The following IL1RAPL2 variants were observed in gnomAD, a reference collection of about 807,000 sequenced individuals.
IL1RAPL2 encodes interleukin 1 receptor accessory protein like 2, also known as X-linked interleukin-1 receptor accessory protein-like 2.
IL1RAPL2 carries 3 observed loss-of-function variants against 44.1 expected under a neutral mutation model. The observed-to-expected ratio is 0.07, with a 90% CI of 0.03 to 0.18. IL1RAPL2 has a LOEUF of 0.18. IL1RAPL2 is among the 10% of genes least tolerant of loss of function. The pLI, the probability that IL1RAPL2 is intolerant of heterozygous loss-of-function variation, is 1.00. For synonymous variants in IL1RAPL2, 181 were observed against 178.8 expected, an observed-to-expected ratio of 1.01 and a Z score of -0.10; for missense variants, 391 against 496.4, an observed-to-expected ratio of 0.79 and a Z score of 2.02.
intron 2 of IL1RAPL2, among the ~76,000 whole-genome samples, chrX:105,135,407 A>AGGAGAAT (rs1451358362): frequency 8.9e-6 from 1 of 112,251 alleles, no homozygotes; most frequent in East Asian, 2.8e-4. Context: ...TTAAAATAAA[A>AGGAGAAT]GGAGAATGTC....
intron 2 of IL1RAPL2, among the ~76,000 whole-genome samples, chrX:104,763,583 C>A (rs1422071181): frequency 9.0e-6 from 1 of 111,589 alleles, no homozygotes; most frequent in East Asian, 2.8e-4. Flanking sequence ...AGACATGTCC[C>A]AGATTGGGTA....
At chrX:104,651,340 T>C (rs1403469455) in intron 1 of IL1RAPL2, among the ~76,000 whole-genome samples, 1 of 111,838 alleles carries the variant, frequency 8.9e-6, no homozygotes. Flanking sequence ...GTAGAAATAT[T>C]TCTGCATCAG....
At chrX:105,564,652 G>A (rs951392384) in intron 6 of IL1RAPL2, among the ~76,000 whole-genome samples, 1 of 111,679 alleles carries the variant, frequency 9.0e-6, no homozygotes, top group African/African-American at 3.3e-5. Flanking sequence ...ATAATAGTCT[G>A]ATGAGAAGTG....
At chrX:105,343,191 C>T (rs191726670) in intron 5 of IL1RAPL2, among the ~76,000 whole-genome samples, 24 of 111,930 alleles carry the variant, frequency 2.1e-4, no homozygotes, top group African/African-American at 7.5e-4. Context: ...GACTCTCCAT[C>T]AAGCAAGGCA....
intron 5 of IL1RAPL2, among the ~76,000 whole-genome samples, chrX:105,477,599 C>G (rs984645589): frequency 7.1e-5 from 8 of 112,076 alleles, no homozygotes; most frequent in South Asian, 3.7e-4. Flanking sequence ...TGGCAAATCT[C>G]CATTCATGAT....
At chrX:105,685,557 A>C (rs1295919727) in intron 6 of IL1RAPL2, among the ~76,000 whole-genome samples, 1 of 112,135 alleles carries the variant, frequency 8.9e-6, no homozygotes, top group African/African-American at 3.2e-5. Context: ...CTATGTGAAG[A>C]GACCAAATCT....
intron 2 of IL1RAPL2, among the ~76,000 whole-genome samples, chrX:104,972,548 C>G (rs1456632611): frequency 9.0e-6 from 1 of 111,669 alleles, no homozygotes; most frequent in Non-Finnish European, 1.9e-5. Context: ...AGATGGAACT[C>G]TCTATCTTGG....
At chrX:104,877,749 AT>A (rs902456573) in intron 2 of IL1RAPL2, among the ~76,000 whole-genome samples, 9 of 108,639 alleles carry the variant, frequency 8.3e-5, no homozygotes, top group African/African-American at 2.3e-4. Context: ...CATACAGGGC[AT>A]TTTTTTTTTC....
intron 5 of IL1RAPL2, among the ~76,000 whole-genome samples, chrX:105,318,674 GGCAGGGTAA>G (rs755268272): frequency 9.0e-6 from 1 of 110,903 alleles, no homozygotes; most frequent in East Asian, 2.9e-4. Flanking sequence ...AGCCTGGTGT[GGCAGGGTAA>G]GCTATGTAGA....
intron 5 of IL1RAPL2, among the ~76,000 whole-genome samples, chrX:105,285,039 C>G (rs750227149): frequency 8.9e-6 from 1 of 112,107 alleles, no homozygotes; most frequent in East Asian, 2.8e-4. Flanking sequence ...GTACCTGTTT[C>G]CAAGCTGAAT....
At chrX:104,734,970 C>T (rs935238003) in intron 2 of IL1RAPL2, among the ~76,000 whole-genome samples, 4 of 110,887 alleles carry the variant, frequency 3.6e-5, no homozygotes, top group African/African-American at 1.3e-4. Flanking sequence ...ATATGCTTAT[C>T]CTAAATATGA....
At chrX:105,296,515 A>G (rs981467026) in intron 5 of IL1RAPL2, among the ~76,000 whole-genome samples, 1 of 112,669 alleles carries the variant, frequency 8.9e-6, no homozygotes, top group Non-Finnish European at 1.9e-5. Context: ...CAAAAGGTAG[A>G]TGGTCACTAT....
intron 2 of IL1RAPL2, among the ~76,000 whole-genome samples, chrX:105,171,530 C>T (rs1489191095): frequency 3.6e-5 from 4 of 110,883 alleles, no homozygotes; most frequent in Admixed American, 2.9e-4. Context: ...TTCTGAAGGG[C>T]AGTCTTTTCC....
At chrX:105,733,503 T>C (rs765206109) in intron 7 of IL1RAPL2, among the ~76,000 whole-genome samples, 18 of 111,601 alleles carry the variant, frequency 1.6e-4, no homozygotes, top group Admixed American at 8.6e-4. Context: ...TGCATATTAC[T>C]TCTTTCGTAA....
rs184473509 is a variant in IL1RAPL2, at chrX:105,040,241, A to T, written c.83-155234A>T. On this transcript the variant is annotated intron_variant, in intron 2 of 10. Coordinates refer to ENST00000372582, the MANE Select transcript of IL1RAPL2 (RefSeq NM_017416.2). Reference sequence around the variant, plus strand: ...TCCCAGGGATGAAGCCCACTTGATCATGGTGGATAAGCTTTTTGATGTGCT... The same window carrying T: ...TCCCAGGGATGAAGCCCACTTGATCTTGGTGGATAAGCTTTTTGATGTGCT... Among the ~76,000 whole-genome samples, 51 of 111,562 alleles carry T rather than the reference A, an allele frequency of 4.6e-4. 1 individual carries two copies. In the East Asian group the frequency reaches 0.013, roughly 29 times the overall value.
At chrX:104,814,315 C>T (rs1266916756) in intron 2 of IL1RAPL2, among the ~76,000 whole-genome samples, 5 of 112,287 alleles carry the variant, frequency 4.5e-5, no homozygotes, top group South Asian at 3.7e-4. Flanking sequence ...TGAACTGTAT[C>T]GTACATCCCC....
At chrX:104,663,756 T>A (rs1238148395) in intron 2 of IL1RAPL2, among the ~76,000 whole-genome samples, 4 of 104,456 alleles carry the variant, frequency 3.8e-5, no homozygotes, top group African/African-American at 1.4e-4. Context: ...TAAGACAAAG[T>A]TTACAGCAAC....
intron 3 of IL1RAPL2, chrX:105,219,453 C>A: frequency 8.3e-7 from 1 of 1,210,100 alleles, no homozygotes; most frequent in Non-Finnish European, 1.1e-6. Context: ...CTCCAAGGAG[C>A]TGCAGGAGGA....
intron 2 of IL1RAPL2, among the ~76,000 whole-genome samples, chrX:105,016,169 C>T (rs1344175960): frequency 4.5e-5 from 5 of 111,502 alleles, no homozygotes; most frequent in African/African-American, 1.3e-4. Context: ...ATTTATTATC[C>T]TGAGAGTTTG....
Sources: gnomAD v4.1 joint callset for allele counts (sites outside exome capture counted in the v4.1 genomes callset) on GRCh38, gnomAD v4.1.1 for gene constraint, MANE v1.5 for transcripts, NCBI Gene and HGNC (gene_info 2026-07-23, HGNC 2026-07-21) for gene names.